The following CNTN4 variants were observed in gnomAD, a reference collection of about 807,000 sequenced individuals.
CNTN4 encodes contactin-4.
In CNTN4, 77 loss-of-function variants were observed where a neutral mutation model predicts 122.5. The observed-to-expected ratio is 0.63, with a 90% CI of 0.52 to 0.76. CNTN4 has a LOEUF of 0.76. Ranked by LOEUF, CNTN4 falls within the 30% of genes least tolerant of loss-of-function variation. The pLI is 0.00. For synonymous variants in CNTN4, 512 were observed against 447.0 expected, an observed-to-expected ratio of 1.15 and a Z score of -1.83; for missense variants, 1,256 against 1,259.1, an observed-to-expected ratio of 1.00 and a Z score of 0.04.
intron 13 of CNTN4, chr3:2,927,399 A>G (rs1444006186): frequency 1.3e-5 from 6 of 445,148 alleles, no homozygotes; most frequent in East Asian, 1.4e-4. Flanking sequence ...AGAGCCAAAC[A>G]TGCATGGGTT....
intron 3 of CNTN4, among the ~76,000 whole-genome samples, chr3:2,417,592 C>T (rs1408698027): frequency 6.6e-6 from 1 of 152,184 alleles, no homozygotes; most frequent in East Asian, 1.9e-4. Flanking sequence ...CAAAACTAAA[C>T]ATCCTCTTAT....
intron 4 of CNTN4, among the ~76,000 whole-genome samples, chr3:2,716,944 C>A (rs1191093338): frequency 6.6e-6 from 1 of 152,218 alleles, no homozygotes. Context: ...TCTATTGTCA[C>A]ATGTATCCTT....
chr3:2,426,599 A>T (rs1020579322), intron 3 of CNTN4, among the ~76,000 whole-genome samples: 37 of 152,168 alleles, frequency 2.4e-4, no homozygotes, highest in African/African-American at 8.7e-4. Flanking sequence ...TGAGTTAGGG[A>T]GGATTCCTTC....
At chr3:2,590,640 G>A (rs567567182) in intron 4 of CNTN4, among the ~76,000 whole-genome samples, 74 of 151,978 alleles carry the variant, frequency 4.9e-4, no homozygotes, top group African/African-American at 1.6e-3. Context: ...CTCCCTCTGA[G>A]CTCACTAGAA....
intron 11 of CNTN4, among the ~76,000 whole-genome samples, chr3:2,902,428 C>G (rs1188630596): frequency 1.3e-5 from 2 of 152,110 alleles, no homozygotes; most frequent in Non-Finnish European, 2.9e-5. Flanking sequence ...GCCTCTGTTT[C>G]ATCCAAGATT....
chr3:3,048,930 T>G (rs1035258687), intron 23 of CNTN4, among the ~76,000 whole-genome samples: 22 of 152,278 alleles, frequency 1.4e-4, no homozygotes, highest in Non-Finnish European at 2.6e-4. Flanking sequence ...CTTTATGGCA[T>G]TAGAGCTAAA....
intron 13 of CNTN4, among the ~76,000 whole-genome samples, chr3:2,958,031 A>C (rs1197275999): frequency 6.6e-6 from 1 of 152,098 alleles, no homozygotes; most frequent in African/African-American, 2.4e-5. Flanking sequence ...TGATTTGTCT[A>C]ATGGATTTCT....
intron 3 of CNTN4, among the ~76,000 whole-genome samples, chr3:2,481,055 T>TTCTTTCTTTCTTTCTTTC: frequency 7.4e-6 from 1 of 134,910 alleles, no homozygotes; most frequent in African/African-American, 2.9e-5. Context: ...CTTTCTTTCT[T>TTCTTTCTTTCTTTCTTTC]TCTTTCTCTC....
chr3:2,822,267 A>C (rs537443808), intron 7 of CNTN4, among the ~76,000 whole-genome samples: 60 of 152,342 alleles, frequency 3.9e-4, no homozygotes, highest in African/African-American at 1.3e-3. Flanking sequence ...GTTTCAAATC[A>C]TTATTTGATA....
rs530618540 is a variant in CNTN4, at chr3:2,583,075, G to A, written c.55+11517G>A. ...TTTCAACTATATTGTTTCCACATGCGTGACATCTATACCAGAAAAAAACTA... is the reference window on the plus strand; with the variant it reads ...TTTCAACTATATTGTTTCCACATGCATGACATCTATACCAGAAAAAAACTA... On this transcript the variant is annotated intron_variant, in intron 4 of 24. Transcript: ENST00000418658. 7.9e-5 allele frequency among the ~76,000 whole-genome samples: 12 copies of A among 152,192 alleles called. No homozygotes were observed. In the South Asian group the frequency reaches 1.0e-3, roughly 13 times the overall value.
At chr3:2,783,610 C>A (rs774373410) in intron 6 of CNTN4, among the ~76,000 whole-genome samples, 1 of 152,164 alleles carries the variant, frequency 6.6e-6, no homozygotes, top group Admixed American at 6.5e-5. Flanking sequence ...TTTTTAACTT[C>A]TAAACTTTTC....
chr3:2,156,141 G>C (rs539156515), intron 2 of CNTN4, among the ~76,000 whole-genome samples: 3 of 152,096 alleles, frequency 2.0e-5, no homozygotes, highest in Non-Finnish European at 4.4e-5. Flanking sequence ...AAAATGCTTG[G>C]TATCTTTGAG....
At chr3:2,106,327 G>A (rs953560956) in intron 2 of CNTN4, among the ~76,000 whole-genome samples, 8 of 152,172 alleles carry the variant, frequency 5.3e-5, no homozygotes, top group African/African-American at 1.9e-4. Context: ...TTTCCCTTCC[G>A]CACTGCCCTA....
intron 10 of CNTN4, among the ~76,000 whole-genome samples, chr3:2,889,845 C>T (rs915321395): frequency 6.6e-6 from 1 of 152,124 alleles, no homozygotes; most frequent in African/African-American, 2.4e-5. Context: ...TTAGAGGTTT[C>T]CTGCACTGGA....
At chr3:2,408,398 A>G (rs1229905553) in intron 3 of CNTN4, among the ~76,000 whole-genome samples, 1 of 152,214 alleles carries the variant, frequency 6.6e-6, no homozygotes, top group African/African-American at 2.4e-5. Flanking sequence ...TATTAGGAAA[A>G]TGTACTTGAG....
Position 2,762,027 on chromosome 3 carries a change from G to C in CNTN4, c.358+16330G>C, listed in dbSNP as rs184867428. ...ATAGCAAGCAATGCGTTGGACACAG[G>C]GAATGCATCAATGAACTAGACAGAT... is the stretch of plus-strand genomic sequence containing the variant. On this transcript the variant is annotated intron_variant, in intron 6 of 24. Coordinates refer to ENST00000418658, the MANE Select transcript of CNTN4 (RefSeq NM_175607.3). 2.4e-3 allele frequency among the ~76,000 whole-genome samples: 372 copies of C among 152,166 alleles called. 6 individuals carry two copies. The highest frequency in any genetic ancestry group is 1.7e-3 in the East Asian group (9 of 5,172).
chr3:2,368,232 CCA>C (rs2045487762), intron 3 of CNTN4, among the ~76,000 whole-genome samples: 2 of 151,340 alleles, frequency 1.3e-5, no homozygotes, highest in Non-Finnish European at 3.0e-5. Flanking sequence ...CGGGGTTTCA[CCA>C]TGTTAGCCAG....
chr3:2,538,373 C>T (rs910805904), intron 3 of CNTN4, among the ~76,000 whole-genome samples: 2 of 151,496 alleles, frequency 1.3e-5, no homozygotes, highest in African/African-American at 4.9e-5. Context: ...GGAGTAAACT[C>T]TGGGATTAAT....
intron 4 of CNTN4, among the ~76,000 whole-genome samples, chr3:2,715,552 A>G (rs1031752888): frequency 7.2e-5 from 11 of 152,252 alleles, no homozygotes; most frequent in African/African-American, 2.4e-4. Context: ...TATGCAAAGC[A>G]CATTTCAAGT....
Sources: allele counts gnomAD v4.1 joint callset (sites outside exome capture counted in the v4.1 genomes callset), GRCh38; gene constraint gnomAD v4.1.1; transcripts MANE v1.5; gene names NCBI Gene and HGNC (gene_info 2026-07-23, HGNC 2026-07-21).